Variants in VAMP7 observed in about 807,000 individuals in gnomAD.
VAMP7 encodes vesicle-associated membrane protein 7.
Under a neutral mutation model 29.6 loss-of-function variants are expected in VAMP7, and 14 were observed. That is an observed-to-expected ratio of 0.47 (90% CI 0.31 to 0.74). The LOEUF (loss-of-function observed/expected upper bound fraction) is 0.74. Ranked by LOEUF, VAMP7 falls within the 30% of genes least tolerant of loss-of-function variation. The pLI, the probability that VAMP7 is intolerant of heterozygous loss-of-function variation, is 0.05. For missense variants in VAMP7, 223 were observed against 262.4 expected (o/e 0.85, Z 1.04); for synonymous variants, 95 against 88.1 (o/e 1.08, Z -0.44).
At chrX:155,918,393 A>C (rs1449492054) in intron 5 of VAMP7, among the ~76,000 whole-genome samples, 1 of 152,092 alleles carries the variant, frequency 6.6e-6, no homozygotes, top group Non-Finnish European at 1.5e-5. Flanking sequence ...TGTCTGCCCA[A>C]ATGGCCGCCC....
intron 5 of VAMP7, among the ~76,000 whole-genome samples, chrX:155,914,113 CTT>C (rs1468415137): frequency 6.6e-5 from 10 of 152,056 alleles, no homozygotes; most frequent in Non-Finnish European, 1.5e-4. Flanking sequence ...ATTTTATTCT[CTT>C]TGTAGCAATT....
At position 155,942,090 on chromosome X, in the gene VAMP7, T is replaced by C. The variant is rs2066753787; in HGVS notation, c.*139T>C. The C allele has an allele frequency of 2.6e-6, 4 of 1,558,904 alleles. No homozygotes were observed. The highest frequency in any genetic ancestry group is 3.5e-6 in the Non-Finnish European group (4 of 1,150,530). ...CTCTTCTCACTTTTTAAAATCTTGT[T>C]CCATGCCTCCAGGTTTATCTTTGTC... On this transcript the variant is annotated 3_prime_UTR_variant, in exon 8 of 8. Transcript: ENST00000286448.
At chrX:155,929,234 G>A (rs1361590748) in intron 6 of VAMP7, among the ~76,000 whole-genome samples, 2 of 152,160 alleles carry the variant, frequency 1.3e-5, no homozygotes, top group East Asian at 1.9e-4. Flanking sequence ...ATAGATTCAA[G>A]TTGCTCTGAA....
rs752103745 is a variant in VAMP7, at chrX:155,942,271, T to A, written c.*320T>A. On this transcript the variant is annotated 3_prime_UTR_variant, in exon 8 of 8. Coordinates refer to ENST00000286448, the MANE Select transcript of VAMP7 (RefSeq NM_005638.6). Reference sequence around the variant, plus strand: ...AATTGCTCAAAGCTGTCGCCGCTAGTCTTATGAGCTATCTACTAAAACTAT... The same window carrying A: ...AATTGCTCAAAGCTGTCGCCGCTAGACTTATGAGCTATCTACTAAAACTAT... 4.1e-5 allele frequency: 47 copies of A among 1,137,882 alleles called. No homozygotes were observed. The African/African-American group carries it at 7.4e-4, about 18-fold the overall frequency. The allele number at this position is 1,137,882 out of a possible 1,614,324, so 70.5% of individuals were successfully genotyped here. A position where few individuals can be genotyped will look rare whatever the true frequency, so the allele number is the denominator to read the frequency against.
At chrX:155,928,877 G>A (rs1449187912) in intron 6 of VAMP7, among the ~76,000 whole-genome samples, 2 of 152,178 alleles carry the variant, frequency 1.3e-5, no homozygotes, top group Admixed American at 1.3e-4. Context: ...GCTATGTTCG[G>A]ATTTATTAGT....
chrX:155,903,047 G>A (rs1291043172), intron 5 of VAMP7, among the ~76,000 whole-genome samples: 1 of 151,702 alleles, frequency 6.6e-6, no homozygotes, highest in Non-Finnish European at 1.5e-5. Context: ...CAATTTCAGA[G>A]CCTGTTATTG....
At chrX:155,932,805 C>CGA (rs2066582321) in intron 6 of VAMP7, among the ~76,000 whole-genome samples, 1 of 152,132 alleles carries the variant, frequency 6.6e-6, no homozygotes, top group Non-Finnish European at 1.5e-5. Context: ...GGGAATGCTT[C>CGA]CGGTTTTTGC....
intron 2 of VAMP7, among the ~76,000 whole-genome samples, chrX:155,890,070 TG>T (rs962343603): frequency 1.3e-5 from 2 of 151,730 alleles, no homozygotes; most frequent in African/African-American, 2.4e-5. Context: ...TGTCAAGGGT[TG>T]GGGGGATGGG....
At chrX:155,901,025 G>C in intron 5 of VAMP7, among the ~76,000 whole-genome samples, 1 of 151,922 alleles carries the variant, frequency 6.6e-6, no homozygotes, top group East Asian at 1.9e-4. Context: ...CCTTCACTGA[G>C]GCCCTCTTGC....
At chrX:155,939,917 C>T in intron 7 of VAMP7, 124 bp downstream of exon 7, 1 of 804,054 alleles carries the variant, frequency 1.2e-6, no homozygotes, top group Non-Finnish European at 2.1e-6. Flanking sequence ...TAGTGAAACA[C>T]ATGACCAGGC....
chrX:155,924,090 G>A (rs1188655405), intron 6 of VAMP7, among the ~76,000 whole-genome samples: 1 of 151,930 alleles, frequency 6.6e-6, no homozygotes, highest in Non-Finnish European at 1.5e-5. Flanking sequence ...CTTGCTCTTT[G>A]TTTTTTATTT....
chrX:155,941,461 A>T (rs1445572072), intron 7 of VAMP7, among the ~76,000 whole-genome samples: 2 of 152,176 alleles, frequency 1.3e-5, no homozygotes, highest in Non-Finnish European at 2.9e-5. Flanking sequence ...TTTAAAATAT[A>T]TTCTTATATT....
intron 6 of VAMP7, among the ~76,000 whole-genome samples, chrX:155,930,426 A>G (rs1194390516): frequency 6.6e-6 from 1 of 151,932 alleles, no homozygotes; most frequent in Non-Finnish European, 1.5e-5. Flanking sequence ...AAAGATCTCT[A>G]AAATCCAGAA....
intron 6 of VAMP7, among the ~76,000 whole-genome samples, chrX:155,930,616 T>A (rs1049660451): frequency 1.3e-5 from 2 of 151,646 alleles, no homozygotes; most frequent in Non-Finnish European, 2.9e-5. Flanking sequence ...CACCACTGCA[T>A]TCCAGGCTGG....
intron 5 of VAMP7, among the ~76,000 whole-genome samples, chrX:155,910,579 TGTAA>T (rs1415539873): frequency 4.0e-5 from 6 of 151,590 alleles, no homozygotes; most frequent in South Asian, 2.1e-4. Flanking sequence ...ACCAACAGTG[TGTAA>T]GTGTTTTTTT....
intron 2 of VAMP7, among the ~76,000 whole-genome samples, chrX:155,892,042 A>T (rs963450168): frequency 1.3e-5 from 2 of 152,270 alleles, no homozygotes; most frequent in Non-Finnish European, 2.9e-5. Flanking sequence ...CCACTCATGT[A>T]TTATGAGCCA....
At chrX:155,925,208 G>T (rs1172714193) in intron 6 of VAMP7, among the ~76,000 whole-genome samples, 5 of 151,990 alleles carry the variant, frequency 3.3e-5, no homozygotes, top group Non-Finnish European at 7.4e-5. Flanking sequence ...TTTATATTTT[G>T]ACTTCCTCCC....
chrX:155,890,969 C>T (rs759795061), intron 2 of VAMP7, among the ~76,000 whole-genome samples: 110 of 152,270 alleles, frequency 7.2e-4, no homozygotes, highest in African/African-American at 2.3e-3. Context: ...GTTGGGGTGG[C>T]TCTGCCATTT....
chrX:155,913,136 CT>C lies in VAMP7; in HGVS notation c.434-6669del, dbSNP rs750206565. 1.9e-3 allele frequency among the ~76,000 whole-genome samples: 295 copies of C among 152,048 alleles called. 2 individuals are homozygous for C. The highest frequency in any genetic ancestry group is 6.6e-3 in the African/African-American group (272 of 41,486). ...TTCTCTAATGACCCGTGATGATGAG[CT>C]TTTTTTTCATATGTTTATTGGCCAC... On this transcript the variant is annotated intron_variant, in intron 5 of 7. Transcript: ENST00000286448.
Sources: allele counts gnomAD v4.1 joint callset (sites outside exome capture counted in the v4.1 genomes callset), GRCh38; gene constraint gnomAD v4.1.1; transcripts MANE v1.5; gene names NCBI Gene and HGNC (gene_info 2026-07-23, HGNC 2026-07-21).